GRIN2B: variants seen among roughly 807,000 people sequenced by gnomAD.
GRIN2B encodes glutamate ionotropic receptor NMDA type subunit 2B, also known as glutamate receptor ionotropic, NMDA 2B.
In GRIN2B, 5 loss-of-function variants were observed where a neutral mutation model predicts 114.5. The observed-to-expected ratio is 0.04, with a 90% confidence interval of 0.02 to 0.09. The LOEUF is 0.09. GRIN2B is among the 10% of genes least tolerant of loss of function. GRIN2B has a pLI of 1.00. For missense variants in GRIN2B, 1,108 were observed against 1,943.5 expected, an observed-to-expected ratio of 0.57 and a Z score of 8.08; for synonymous variants, 787 against 745.1, an observed-to-expected ratio of 1.06 and a Z score of -0.92.
At chr12:13,764,506 T>C in intron 3 of GRIN2B, among the ~76,000 whole-genome samples, 1 of 152,308 alleles carries the variant, frequency 6.6e-6, no homozygotes, top group Non-Finnish European at 1.5e-5. Flanking sequence ...CTTGGGTAGC[T>C]GAAATGCTGT....
chr12:13,725,503 C>T (rs1225886622), intron 4 of GRIN2B, among the ~76,000 whole-genome samples: 1 of 152,062 alleles, frequency 6.6e-6, no homozygotes, highest in Admixed American at 6.6e-5. Context: ...GATTCTTCAG[C>T]TAAATTAGCA....
intron 2 of GRIN2B, among the ~76,000 whole-genome samples, chr12:13,896,498 C>G (rs894090772): frequency 6.6e-6 from 1 of 152,138 alleles, no homozygotes; most frequent in Admixed American, 6.5e-5. Flanking sequence ...TTAAAGGGAA[C>G]GATCATTAAG....
chr12:13,819,675 T>C (rs1038896930), intron 3 of GRIN2B, among the ~76,000 whole-genome samples: 1 of 152,192 alleles, frequency 6.6e-6, no homozygotes, highest in Admixed American at 6.5e-5. Context: ...ACTTTTAAGA[T>C]GAAATTAAGA....
chr12:13,582,669 G>A (rs1948868421), intron 10 of GRIN2B, among the ~76,000 whole-genome samples: 1 of 152,070 alleles, frequency 6.6e-6, no homozygotes, highest in African/African-American at 2.4e-5. Flanking sequence ...TGGATGCTGT[G>A]CTGCTGGGGA....
chr12:13,879,153 T>C (rs1170152333), intron 2 of GRIN2B, among the ~76,000 whole-genome samples: 8 of 152,218 alleles, frequency 5.3e-5, no homozygotes, highest in Non-Finnish European at 1.0e-4. Flanking sequence ...AAATGCATCA[T>C]TAGGCGACTT....
rs1198665279 is a variant in GRIN2B at position 13,818,730 on chromosome 12, A to G, written c.411+47068T>C. On this transcript the variant is annotated intron_variant, in intron 3 of 13. Coordinates refer to ENST00000609686, the MANE Select transcript of GRIN2B (RefSeq NM_000834.5). ...ACTAGCCCTCAACTTTCCATCAAAG[A>G]CAGAACCATCATGACAGAGCCTGTC... is the stretch of plus-strand genomic sequence containing the variant. 2.0e-5 allele frequency among the ~76,000 whole-genome samples: 3 copies of G among 152,328 alleles called. 1 individual carries two copies. Among genetic ancestry groups the G allele is most frequent in the East Asian group, 3.9e-4 (2 of 5,182 alleles).
chr12:13,643,353 T>A (rs1010035975), intron 5 of GRIN2B, among the ~76,000 whole-genome samples: 1 of 152,180 alleles, frequency 6.6e-6, no homozygotes, highest in African/African-American at 2.4e-5. Context: ...TGTAGTCTGT[T>A]AAGTGTACAA....
At chr12:13,703,749 C>A (rs979746332) in intron 4 of GRIN2B, among the ~76,000 whole-genome samples, 2 of 152,094 alleles carry the variant, frequency 1.3e-5, no homozygotes, top group Non-Finnish European at 2.9e-5. Flanking sequence ...GTGCAATAAA[C>A]CTTTTCCTTA....
chr12:13,579,571 A>G (rs1470932057), intron 10 of GRIN2B, among the ~76,000 whole-genome samples: 3 of 152,208 alleles, frequency 2.0e-5, no homozygotes, highest in Non-Finnish European at 2.9e-5. Flanking sequence ...CATTATTACT[A>G]TCATCATCAT....
chr12:13,582,754 A>T (rs1948870140), intron 10 of GRIN2B, among the ~76,000 whole-genome samples: 1 of 152,070 alleles, frequency 6.6e-6, no homozygotes, highest in Admixed American at 6.6e-5. Context: ...GGGGGTGGTG[A>T]GGACTGGAAC....
chr12:13,672,579 C>T (rs1035346393), intron 5 of GRIN2B, among the ~76,000 whole-genome samples: 3 of 152,178 alleles, frequency 2.0e-5, no homozygotes, highest in Non-Finnish European at 2.9e-5. Flanking sequence ...CACCTGGCTC[C>T]TGCCATCCTC....
intron 5 of GRIN2B, among the ~76,000 whole-genome samples, chr12:13,667,551 C>G (rs140128372): frequency 6.6e-6 from 1 of 152,276 alleles, no homozygotes; most frequent in African/African-American, 2.4e-5. Flanking sequence ...TTCTATTTAA[C>G]ATGCATATGA....
intron 1 of GRIN2B, among the ~76,000 whole-genome samples, chr12:13,980,702 G>A (rs1384657089): frequency 6.6e-6 from 1 of 152,084 alleles, no homozygotes; most frequent in Non-Finnish European, 1.5e-5. Context: ...TCACACACAC[G>A]CAGAAACACA....
chr12:13,604,157 A>G (rs758391840), intron 10 of GRIN2B, among the ~76,000 whole-genome samples: 10 of 151,520 alleles, frequency 6.6e-5, no homozygotes, highest in South Asian at 4.2e-4. Context: ...GCTCCCTTAC[A>G]CCCTCCTCCC....
At chr12:13,698,346 A>G (rs2136565611) in intron 4 of GRIN2B, among the ~76,000 whole-genome samples, 1 of 152,370 alleles carries the variant, frequency 6.6e-6, no homozygotes, top group Non-Finnish European at 1.5e-5. Flanking sequence ...GCAAGACAGT[A>G]GGGAATTTCT....
intron 4 of GRIN2B, among the ~76,000 whole-genome samples, chr12:13,746,596 C>T (rs1379973976): frequency 1.3e-5 from 2 of 152,198 alleles, no homozygotes; most frequent in African/African-American, 4.8e-5. Flanking sequence ...CCCCTGCCCT[C>T]TCCTCCAAAT....
At chr12:13,936,437 C>T (rs1867131807) in intron 2 of GRIN2B, among the ~76,000 whole-genome samples, 1 of 152,100 alleles carries the variant, frequency 6.6e-6, no homozygotes, top group Non-Finnish European at 1.5e-5. Flanking sequence ...CAACAAAATC[C>T]TCAAGGGAAC....
intron 5 of GRIN2B, among the ~76,000 whole-genome samples, chr12:13,646,644 T>C (rs954736135): frequency 4.0e-5 from 6 of 151,894 alleles, no homozygotes; most frequent in African/African-American, 1.2e-4. Context: ...CTTCCTCTTC[T>C]TCCTCCTCCT....
chr12:13,893,357 A>G (rs931342495), intron 2 of GRIN2B, among the ~76,000 whole-genome samples: 7 of 152,152 alleles, frequency 4.6e-5, no homozygotes, highest in Admixed American at 6.6e-5. Context: ...GGGGTAGCAG[A>G]AAACATTAAA....
Sources: gnomAD v4.1 joint callset for allele counts (sites outside exome capture counted in the v4.1 genomes callset) on GRCh38, gnomAD v4.1.1 for gene constraint, MANE v1.5 for transcripts, NCBI Gene and HGNC (gene_info 2026-07-23, HGNC 2026-07-21) for gene names.